FNDC1: variants seen among roughly 807,000 people sequenced by gnomAD.
FNDC1 encodes the protein fibronectin type III domain-containing protein 1.
A neutral mutation model predicts 168.0 loss-of-function variants in FNDC1; 96 were observed. The observed-to-expected ratio is 0.57, with a 90% CI of 0.48 to 0.68. The LOEUF (loss-of-function observed/expected upper bound fraction) is 0.68. FNDC1 is among the 30% of genes least tolerant of loss of function. FNDC1 has a pLI of 0.00. For missense variants in FNDC1, 2,587 were observed against 2,482.1 expected, an observed-to-expected ratio of 1.04 and a Z score of -0.90; for synonymous variants, 1,099 against 1,025.9, an observed-to-expected ratio of 1.07 and a Z score of -1.36.
intron 1 of FNDC1, among the ~76,000 whole-genome samples, chr6:159,195,821 T>A (rs542157835): frequency 6.6e-6 from 1 of 152,378 alleles, no homozygotes; most frequent in Non-Finnish European, 1.5e-5. Context: ...CATTTTAGAA[T>A]GTCTATTCAA....
intron 4 of FNDC1, among the ~76,000 whole-genome samples, chr6:159,203,694 A>C (rs746038551): frequency 6.6e-6 from 1 of 152,102 alleles, no homozygotes; most frequent in Non-Finnish European, 1.5e-5. Flanking sequence ...CATTTATTGG[A>C]ATACTGTTAT....
At chr6:159,194,031 C>G (rs1007244250) in intron 1 of FNDC1, among the ~76,000 whole-genome samples, 3 of 152,182 alleles carry the variant, frequency 2.0e-5, no homozygotes, top group African/African-American at 7.2e-5. Context: ...AGTGATTTTG[C>G]TGTGTTATGA....
At chr6:159,184,764 A>T (rs113217520) in intron 1 of FNDC1, among the ~76,000 whole-genome samples, 27 of 152,212 alleles carry the variant, frequency 1.8e-4, no homozygotes, top group African/African-American at 5.8e-4. Flanking sequence ...CATGCCAAGC[A>T]GTTTATAGTA....
chr6:159,198,642 T>A (rs547755648), intron 2 of FNDC1, among the ~76,000 whole-genome samples: 1 of 152,214 alleles, frequency 6.6e-6, no homozygotes, highest in East Asian at 1.9e-4. Flanking sequence ...ATCTCCTTGC[T>A]CAAACCTTGG....
rs145096868 is a variant in FNDC1 at position 159,234,809 on chromosome 6, C to T, written c.3967+330C>T. ...CTAATTCCACAGTCTTTTCACTGTC[C>T]TACATTGCCTCTTTGAATTCTTTGG... is the stretch of plus-strand genomic sequence containing the variant. On this transcript the variant is annotated intron_variant, in intron 11 of 22. Transcript: ENST00000297267. Among the ~76,000 whole-genome samples, 5 of 152,346 alleles carry T rather than the reference C, an allele frequency of 3.3e-5. No individual in the cohort carries two copies. The East Asian group carries it at 7.7e-4, about 23-fold the overall frequency.
chr6:159,206,684 A>G (rs1210236579), intron 4 of FNDC1, among the ~76,000 whole-genome samples: 1 of 152,136 alleles, frequency 6.6e-6, no homozygotes, highest in African/African-American at 2.4e-5. Context: ...TTGAACTCAG[A>G]TTGGTGCTAC....
At chr6:159,247,530 C>T (rs780285640) in intron 15 of FNDC1, among the ~76,000 whole-genome samples, 45 of 152,270 alleles carry the variant, frequency 3.0e-4, no homozygotes, top group Non-Finnish European at 5.9e-4. Context: ...GGGAGGATAA[C>T]TTGAGCCCAG....
intron 19 of FNDC1, among the ~76,000 whole-genome samples, chr6:159,263,064 C>T (rs1777520015): frequency 6.6e-6 from 1 of 152,238 alleles, no homozygotes; most frequent in Non-Finnish European, 1.5e-5. Flanking sequence ...GTGTGTGACA[C>T]AGGCTGTGCC....
chr6:159,239,452 C>G (rs1448433210), intron 13 of FNDC1, 65 bp from the exon 14 acceptor site: 1 of 1,392,278 alleles, frequency 7.2e-7, no homozygotes, highest in African/African-American at 1.4e-5. Flanking sequence ...ACACTTATTG[C>G]TTGCTTTTTA....
At chr6:159,215,777 G>A (rs1179023852) in intron 5 of FNDC1, among the ~76,000 whole-genome samples, 4 of 152,164 alleles carry the variant, frequency 2.6e-5, no homozygotes, top group Non-Finnish European at 2.9e-5. Flanking sequence ...GGAGAAGGAT[G>A]TAGGCTGGGA....
chr6:159,242,857 T>C (rs975020238), intron 14 of FNDC1, among the ~76,000 whole-genome samples: 2 of 152,260 alleles, frequency 1.3e-5, no homozygotes, highest in Non-Finnish European at 2.9e-5. Context: ...ATTCACATTA[T>C]AGAATACATC....
intron 14 of FNDC1, among the ~76,000 whole-genome samples, chr6:159,246,669 A>C (rs946154450): frequency 6.6e-6 from 1 of 152,154 alleles, no homozygotes; most frequent in African/African-American, 2.4e-5. Flanking sequence ...TTTGCTCCTA[A>C]TGGGGCAGGC....
Position 159,221,701 on chromosome 6 carries a change from G to T in FNDC1, c.766+5G>T, listed in dbSNP as rs755547760. 3.2e-5 allele frequency: 51 copies of T among 1,610,888 alleles called. No homozygotes were observed. Among genetic ancestry groups the T allele is most frequent in the Non-Finnish European group, 4.3e-5 (51 of 1,177,142 alleles). ...TAACAAAGCGAAAGATTTCAGGTAT[G>T]TTTCTAAGGATGCATTTGGTCAAAC... On this transcript the variant is annotated splice_donor_5th_base_variant and intron_variant, in intron 6 of 22. Coordinates refer to ENST00000297267, the MANE Select transcript of FNDC1 (RefSeq NM_032532.3).
At chr6:159,177,436 A>C (rs888415192) in intron 1 of FNDC1, among the ~76,000 whole-genome samples, 88 of 152,218 alleles carry the variant, frequency 5.8e-4, no homozygotes, top group African/African-American at 2.1e-3. Flanking sequence ...ACAGTCACCC[A>C]TGGCGGAACT....
chr6:159,190,698 A>G (rs1349339211), intron 1 of FNDC1, among the ~76,000 whole-genome samples: 1 of 152,146 alleles, frequency 6.6e-6, no homozygotes, highest in Admixed American at 6.5e-5. Context: ...TGACTCTTTT[A>G]TCTGTTTGTT....
chr6:159,248,929 C>G, intron 15 of FNDC1, 110 bp from the exon 16 acceptor site: 1 of 989,018 alleles, frequency 1.0e-6, no homozygotes, highest in Non-Finnish European at 1.5e-6. Flanking sequence ...GTGTGTCTGT[C>G]TGTCTGTCTG....
chr6:159,222,137 A>C (rs1782840571), intron 6 of FNDC1, among the ~76,000 whole-genome samples: 2 of 152,238 alleles, frequency 1.3e-5, no homozygotes, highest in African/African-American at 4.8e-5. Context: ...AAAAAGCATC[A>C]TAGTGGTTTG....
At position 159,233,233 on chromosome 6, in the gene FNDC1, G is replaced by A. The variant is rs368811141; in HGVS notation, c.2721G>A (p.Glu907=). ...SSRQPISRGW[E]DLRRSPQRGA... The stretch of plus-strand genomic sequence containing the variant: ...GGCAGCCCATCTCCCGGGGCTGGGA[G>A]GACTTAAGGAGAAGCCCGCAGAGAG... The change falls in exon 11 of 23, where the codon GAG becomes GAA. Residue 907 remains glutamate, a synonymous_variant. Transcript: ENST00000297267. The surrounding 1 kb of genome is among the most constrained non-coding windows in gnomAD (Gnocchi z 4.6). The A allele has an allele frequency of 1.9e-6, 3 of 1,613,866 alleles. No individual in the cohort carries two copies. The highest frequency in any genetic ancestry group is 4.5e-5 in the East Asian group (2 of 44,854).
chr6:159,173,852 G>A (rs1180633906), intron 1 of FNDC1, among the ~76,000 whole-genome samples: 1 of 152,122 alleles, frequency 6.6e-6, no homozygotes, highest in East Asian at 1.9e-4. Flanking sequence ...ACCTTCTAGA[G>A]GTGCCCACAT....
Sources: gnomAD v4.1 joint callset for allele counts (sites outside exome capture counted in the v4.1 genomes callset) on GRCh38, gnomAD v4.1.1 for gene constraint, Gnocchi (gnomAD v3.1) non-coding constraint, MANE v1.5 for transcripts, NCBI Gene and HGNC (gene_info 2026-07-23, HGNC 2026-07-21) for gene names.